The following EXD2 variants were observed in gnomAD, a reference collection of about 807,000 sequenced individuals.
EXD2 encodes exonuclease 3'-5' domain-containing protein 2.
A neutral mutation model predicts 62.5 loss-of-function variants in EXD2; 40 were observed. The ratio of observed to expected loss-of-function variants is 0.64; its 90% CI spans 0.50 to 0.83. EXD2 has a LOEUF of 0.83. Ranked by LOEUF, EXD2 falls within the 40% of genes least tolerant of loss-of-function variation. The probability of loss-of-function intolerance (pLI) is 0.00; values close to 1 mark genes in which losing one functional copy is unlikely to be tolerated. For missense variants in EXD2, 671 were observed against 761.8 expected (o/e 0.88, Z 1.40); for synonymous variants, 239 against 291.9 (o/e 0.82, Z 1.85).
chr14:69,203,509 C>G (rs1324531127), intron 1 of EXD2, among the ~76,000 whole-genome samples: 2 of 152,210 alleles, frequency 1.3e-5, no homozygotes, highest in African/African-American at 4.8e-5. Context: ...TCTCAGAGCT[C>G]TCTTCACCTA....
chr14:69,221,396 A>G (rs773494789), intron 3 of EXD2, among the ~76,000 whole-genome samples: 5 of 152,138 alleles, frequency 3.3e-5, no homozygotes, highest in African/African-American at 7.2e-5. Flanking sequence ...AATATTTTCT[A>G]TTTCTTAATG....
intron 1 of EXD2, among the ~76,000 whole-genome samples, chr14:69,203,659 G>T (rs2042486518): frequency 6.6e-6 from 1 of 152,194 alleles, no homozygotes; most frequent in Non-Finnish European, 1.5e-5. Context: ...TCGGTTACTG[G>T]AAGTATTCAG....
chr14:69,223,202 G>T (rs2043244439), intron 3 of EXD2, among the ~76,000 whole-genome samples: 2 of 152,210 alleles, frequency 1.3e-5, no homozygotes, highest in Non-Finnish European at 2.9e-5. Context: ...CTAATTGTAT[G>T]GCTTTAAATA....
chr14:69,220,251 C>CTGTTTTT (rs1432732895), intron 3 of EXD2, among the ~76,000 whole-genome samples: 2,643 of 60,404 alleles, frequency 0.044, 79 homozygotes, highest in Non-Finnish European at 0.068. Context: ...TTTTGTCTCT[C>CTGTTTTT]TGTTTTTTTT....
chr14:69,234,837 G>C lies in EXD2; in HGVS notation c.855G>C (p.Gln285His), dbSNP rs778057014. 3 of 1,614,098 alleles carry C rather than the reference G, an allele frequency of 1.9e-6. No individual in the cohort carries two copies. Among genetic ancestry groups the C allele is most frequent in the Non-Finnish European group, 2.5e-6 (3 of 1,180,046 alleles). The change falls in exon 6 of 10, where the codon CAG becomes CAC. Residue 285 changes from glutamine to histidine, a missense_variant. By Grantham distance (24) the Gln-to-His change is conservative. Coordinates refer to ENST00000685843, the MANE Select transcript of EXD2 (RefSeq NM_001193360.2). ...SSWRKVLEKC[Q>H]GVVDIPFRSK... ...GGAGAAAAGTCTTGGAAAAATGCCAGGGTGTGGTCGACATCCCATTTCGAA... is the reference window on the plus strand; with the variant it reads ...GGAGAAAAGTCTTGGAAAAATGCCACGGTGTGGTCGACATCCCATTTCGAA...
chr14:69,194,788 C>T (rs2042144358), intron 1 of EXD2, among the ~76,000 whole-genome samples: 1 of 152,156 alleles, frequency 6.6e-6, no homozygotes. Context: ...GTAAATACTC[C>T]ATCATGATTA....
At chr14:69,240,809 G>T (rs780982208) in intron 9 of EXD2, 75 bp from the exon 10 acceptor site, 29 of 1,320,306 alleles carry the variant, frequency 2.2e-5, no homozygotes, top group Non-Finnish European at 2.9e-5. Flanking sequence ...CCCTTGGCGC[G>T]CAGCATTTGA....
At chr14:69,212,318 A>G (rs1252977604) in intron 3 of EXD2, among the ~76,000 whole-genome samples, 3 of 152,106 alleles carry the variant, frequency 2.0e-5, no homozygotes, top group African/African-American at 7.2e-5. Context: ...TGGAGGTTGC[A>G]GTGAGCCGAG....
At chr14:69,236,010 C>A (rs769090813) in intron 6 of EXD2, 36 bp from the exon 7 acceptor site, 3 of 1,527,690 alleles carry the variant, frequency 2.0e-6, no homozygotes, top group Middle Eastern at 1.7e-4. Context: ...CCACAGTTAG[C>A]TTCCGGTTTG....
At position 69,237,934 on chromosome 14, in the gene EXD2, A is replaced by C. The variant is rs2043855381; in HGVS notation, c.1649+3A>C. The C allele has an allele frequency of 6.5e-7, 1 of 1,546,148 alleles. No individual in the cohort carries two copies. The highest frequency in any genetic ancestry group is 8.7e-7 in the Non-Finnish European group (1 of 1,150,064). On this transcript the variant is annotated splice_donor_region_variant and intron_variant, in intron 9 of 9. Transcript: ENST00000685843. Reference sequence around the variant, plus strand: ...GAGGCTGCCAGCCTGGAGACCAGGTACAAAGCACAGGAATTGTGGAATGTA... The same window carrying C: ...GAGGCTGCCAGCCTGGAGACCAGGTCCAAAGCACAGGAATTGTGGAATGTA...
intron 3 of EXD2, among the ~76,000 whole-genome samples, chr14:69,221,975 C>G (rs2140281585): frequency 6.8e-6 from 1 of 147,400 alleles, no homozygotes; most frequent in South Asian, 2.2e-4. Flanking sequence ...GTAATCCCAG[C>G]TACTCGGGAG....
rs750146788 is a variant in EXD2, at chr14:69,234,787, G to A, written c.805G>A (p.Glu269Lys). 6.2e-7 allele frequency: 1 copy of A among 1,614,058 alleles called. No homozygotes were observed. The highest frequency in any genetic ancestry group is 1.1e-5 in the South Asian group (1 of 91,072). The change falls in exon 6 of 10, where the codon GAA becomes AAA. Residue 269 changes from glutamate to lysine, a missense_variant. Transcript: ENST00000685843. ...GYPFSRNSPGEKNDDHSSWRK... is the reference protein window; with the variant it reads ...GYPFSRNSPGKKNDDHSSWRK... Reference sequence around the variant, plus strand: ...CCCTTTCTCTAGGAATTCACCTGGAGAAAAAAACGATGACCACAGTAGCTG... The same window carrying A: ...CCCTTTCTCTAGGAATTCACCTGGAAAAAAAAACGATGACCACAGTAGCTG...
chr14:69,230,334 A>G, intron 4 of EXD2, 138 bp from the exon 5 acceptor site: 2 of 597,150 alleles, frequency 3.3e-6, no homozygotes, highest in South Asian at 4.4e-5. Context: ...CAAATAGATA[A>G]CAAATTATCA....
chr14:69,203,277 T>C (rs1184699597), intron 1 of EXD2, among the ~76,000 whole-genome samples: 1 of 151,700 alleles, frequency 6.6e-6, no homozygotes, highest in Non-Finnish European at 1.5e-5. Context: ...GATTTCACCA[T>C]GTTGCCCTAG....
At position 69,209,619 on chromosome 14, in the gene EXD2, G is replaced by A; in HGVS notation, c.149G>A (p.Ser50Asn). 6.4e-7 allele frequency: 1 copy of A among 1,550,548 alleles called. No homozygotes were observed. The change falls in exon 3 of 10, where the codon AGT becomes AAT. Residue 50 changes from serine to asparagine, a missense_variant. Physicochemically the swap from Ser to Asn is conservative, Grantham distance 46. Coordinates refer to ENST00000685843, the MANE Select transcript of EXD2 (RefSeq NM_001193360.2). ...CAGCCACAGCAGAAAGTGCTGGGCA[G>A]TAGAGAGCTGCCCCCTCCAGAAGAT... ...TQQPQQKVLG[S>N]RELPPPEDDQ...
At chr14:69,199,291 T>C (rs920003059) in intron 1 of EXD2, among the ~76,000 whole-genome samples, 4 of 152,196 alleles carry the variant, frequency 2.6e-5, no homozygotes, top group Admixed American at 6.5e-5. Context: ...CTACCATGCA[T>C]GGAGCTTGCA....
At chr14:69,218,689 G>GGT (rs1248487723) in intron 3 of EXD2, among the ~76,000 whole-genome samples, 1 of 152,108 alleles carries the variant, frequency 6.6e-6, no homozygotes. Context: ...TTTTGTATAA[G>GGT]GTGTAAGGAA....
At chr14:69,212,118 G>A (rs1157088940) in intron 3 of EXD2, among the ~76,000 whole-genome samples, 1 of 152,190 alleles carries the variant, frequency 6.6e-6, no homozygotes, top group African/African-American at 2.4e-5. Flanking sequence ...GCCCACGCCT[G>A]TAATCCTAGC....
At chr14:69,218,267 G>T (rs1252698567) in intron 3 of EXD2, among the ~76,000 whole-genome samples, 1 of 152,136 alleles carries the variant, frequency 6.6e-6, no homozygotes, top group Non-Finnish European at 1.5e-5. Flanking sequence ...GTTTTGATTT[G>T]CATTTCTCTG....
Sources: allele counts gnomAD v4.1 joint callset (sites outside exome capture counted in the v4.1 genomes callset), GRCh38; gene constraint gnomAD v4.1.1; transcripts MANE v1.5; gene names NCBI Gene and HGNC (gene_info 2026-07-23, HGNC 2026-07-21).